The following PDLIM3 variants were observed in gnomAD, a reference collection of about 807,000 sequenced individuals.
PDLIM3 encodes the protein PDZ and LIM domain protein 3.
A neutral mutation model predicts 37.3 loss-of-function variants in PDLIM3; 36 were observed. The ratio of observed to expected loss-of-function variants is 0.97; its 90% CI spans 0.74 to 1.28. The LOEUF (loss-of-function observed/expected upper bound fraction) is 1.28, where lower values mean the gene tolerates loss of function less well. Ranked by LOEUF, PDLIM3 falls within the 50% of genes most tolerant of loss-of-function variation. PDLIM3 has a pLI of 0.00. For synonymous variants in PDLIM3, 174 were observed against 182.4 expected (o/e 0.95, Z 0.37); for missense variants, 454 against 485.0 (o/e 0.94, Z 0.60).
intron 4 of PDLIM3, chr4:185,513,219 T>A (rs1561194997): frequency 2.0e-6 from 2 of 985,552 alleles, no homozygotes; most frequent in East Asian, 2.3e-4. Flanking sequence ...TTAACGCCTT[T>A]CTCCTGCTCC....
chr4:185,519,360 A>G (rs1306188923), intron 3 of PDLIM3, among the ~76,000 whole-genome samples: 2 of 152,180 alleles, frequency 1.3e-5, no homozygotes, highest in African/African-American at 4.8e-5. Context: ...ATCTTGGCTC[A>G]CTGCAACCTC....
At chr4:185,510,464 C>T (rs1472285973) in intron 4 of PDLIM3, among the ~76,000 whole-genome samples, 1 of 152,082 alleles carries the variant, frequency 6.6e-6, no homozygotes, top group South Asian at 2.1e-4. Context: ...ACTTAACTAC[C>T]AATAGCCTAC....
At chr4:185,534,600 T>A (rs927061324) in intron 1 of PDLIM3, among the ~76,000 whole-genome samples, 1 of 152,228 alleles carries the variant, frequency 6.6e-6, no homozygotes, top group Non-Finnish European at 1.5e-5. Flanking sequence ...AAGTAAAGCT[T>A]GACTTTGACA....
At position 185,532,412 on chromosome 4, in the gene PDLIM3, C is replaced by T. The variant is rs773618846; in HGVS notation, c.93+2930G>A. 5.3e-5 allele frequency among the ~76,000 whole-genome samples: 8 copies of T among 152,106 alleles called. No homozygotes were observed. In the East Asian group the frequency reaches 1.4e-3, roughly 26 times the overall value. On this transcript the variant is annotated intron_variant, in intron 1 of 7. Transcript: ENST00000284767. The stretch of plus-strand genomic sequence containing the variant: ...TGACATAAGGAGGGGTTATACAGGC[C>T]GAAAGCTACAGTAATCAACCGGATG...
At chr4:185,523,208 C>T (rs1056056973) in intron 3 of PDLIM3, 154 bp downstream of exon 3, 13 of 608,202 alleles carry the variant, frequency 2.1e-5, no homozygotes, top group African/African-American at 1.1e-4. Flanking sequence ...TAAGAAAACA[C>T]GGATAATATA....
chr4:185,507,416 C>A, intron 5 of PDLIM3, among the ~76,000 whole-genome samples: 1 of 152,042 alleles, frequency 6.6e-6, no homozygotes, highest in East Asian at 1.9e-4. Context: ...TATTTTATAT[C>A]ATTTTATTGC....
At chr4:185,531,772 A>G (rs2153339689) in intron 1 of PDLIM3, among the ~76,000 whole-genome samples, 1 of 151,434 alleles carries the variant, frequency 6.6e-6, no homozygotes, top group East Asian at 1.9e-4. Flanking sequence ...TGGTATTTCA[A>G]TTCTTTGTAT....
At chr4:185,505,779 C>T (rs2095695827) in intron 6 of PDLIM3, among the ~76,000 whole-genome samples, 2 of 152,226 alleles carry the variant, frequency 1.3e-5, no homozygotes, top group Admixed American at 6.5e-5. Flanking sequence ...ATGTTACCTT[C>T]CCATCAGTAA....
chr4:185,525,435 G>A (rs1409252839), intron 1 of PDLIM3, among the ~76,000 whole-genome samples: 1 of 152,112 alleles, frequency 6.6e-6, no homozygotes, highest in Admixed American at 6.5e-5. Flanking sequence ...AATTCCCAGT[G>A]TGAATCATAC....
intron 7 of PDLIM3, among the ~76,000 whole-genome samples, chr4:185,503,186 T>A (rs4862540): frequency 1.4e-4 from 21 of 151,550 alleles, no homozygotes; most frequent in East Asian, 1.2e-3. Flanking sequence ...ATCGCGCCAC[T>A]GCACTCCAGC....
intron 4 of PDLIM3, chr4:185,513,597 G>A (rs1278812216): frequency 1.0e-6 from 1 of 986,130 alleles, no homozygotes; most frequent in Non-Finnish European, 1.2e-6. Context: ...GTTTGCAACA[G>A]CTGCGGTAAA....
intron 6 of PDLIM3, among the ~76,000 whole-genome samples, chr4:185,506,064 T>C (rs2095696457): frequency 6.6e-6 from 1 of 152,298 alleles, no homozygotes; most frequent in East Asian, 1.9e-4. Flanking sequence ...GGGCAAATAA[T>C]AGGCTCACCT....
chr4:185,526,253 G>A (rs2095733929), intron 1 of PDLIM3, among the ~76,000 whole-genome samples: 1 of 152,212 alleles, frequency 6.6e-6, no homozygotes. Flanking sequence ...CAGAGACAAA[G>A]GAAGTTTGTA....
rs769951503 is a variant in PDLIM3, at chr4:185,514,686, C to T, written c.331-349G>A. Reference sequence around the variant, plus strand: ...ACTGTTAGGTACACTGTGGCCAGAACAGAGCCGGATACTTACTTTTGAGGT... The same window carrying T: ...ACTGTTAGGTACACTGTGGCCAGAATAGAGCCGGATACTTACTTTTGAGGT... On this transcript the variant is annotated intron_variant, in intron 3 of 7. Coordinates refer to ENST00000284767, the MANE Select transcript of PDLIM3 (RefSeq NM_014476.6). This position sits in a 1 kb window ranked among gnomAD's most constrained non-coding sequence, Gnocchi z 4.0. 134 of 1,549,700 alleles carry T rather than the reference C, an allele frequency of 8.6e-5. No individual in the cohort carries two copies. Among genetic ancestry groups the T allele is most frequent in the Non-Finnish European group, 1.1e-4 (128 of 1,145,606 alleles).
chr4:185,512,697 T>C (rs2095708479), intron 4 of PDLIM3: 2 of 985,378 alleles, frequency 2.0e-6, no homozygotes, highest in South Asian at 4.7e-5. Context: ...CCAGAGCTTG[T>C]GTGGGTGGAC....
At chr4:185,523,622 C>G (rs117538673) in intron 2 of PDLIM3, among the ~76,000 whole-genome samples, 176 bp from the exon 3 acceptor site, 13 of 150,428 alleles carry the variant, frequency 8.6e-5, no homozygotes, top group East Asian at 3.9e-4. Flanking sequence ...TCTTCCCCCC[C>G]CCTTTTTTTT....
In PDLIM3 at chr4:185,504,673, C is replaced by A; in HGVS notation, c.794-87G>T. The A allele has an allele frequency of 9.8e-7, 1 of 1,024,496 alleles. No individual in the cohort carries two copies. The highest frequency in any genetic ancestry group is 2.2e-4 in the Middle Eastern group (1 of 4,458). The allele number at this position is 1,024,496 out of a possible 1,614,324, so 63.5% of individuals were successfully genotyped here. ...TTCTATTTTAAAGTGTGCACTTTAACCTGAAGTTGCATCTGCACCGTCATT... is the reference window on the plus strand; with the variant it reads ...TTCTATTTTAAAGTGTGCACTTTAAACTGAAGTTGCATCTGCACCGTCATT... On this transcript the variant is annotated intron_variant, in intron 6 of 7. Coordinates refer to ENST00000284767, the MANE Select transcript of PDLIM3 (RefSeq NM_014476.6). This position sits in a 1 kb window ranked among gnomAD's most constrained non-coding sequence, Gnocchi z 4.7.
chr4:185,515,105 A>G (rs2095712969), intron 3 of PDLIM3: 1 of 389,622 alleles, frequency 2.6e-6, no homozygotes, highest in Admixed American at 4.2e-5. Context: ...GTGAAAAGGA[A>G]CTGACCTTAT....
At chr4:185,517,228 T>G (rs979799020) in intron 3 of PDLIM3, 2 of 152,046 alleles carry the variant, frequency 1.3e-5, no homozygotes, top group Non-Finnish European at 2.9e-5. Context: ...CTTTTTGATA[T>G]GAGAGAAGAC....
Sources: allele counts gnomAD v4.1 joint callset (sites outside exome capture counted in the v4.1 genomes callset), GRCh38; gene constraint gnomAD v4.1.1; non-coding constraint Gnocchi (gnomAD v3.1); transcripts MANE v1.5; gene names NCBI Gene and HGNC (gene_info 2026-07-23, HGNC 2026-07-21).